Variants in MEF2C observed in about 807,000 individuals in gnomAD.
The protein encoded by MEF2C is myocyte enhancer factor 2C, also known as myocyte-specific enhancer factor 2C.
In MEF2C, 6 loss-of-function variants were observed where a neutral mutation model predicts 50.5. That is an observed-to-expected ratio of 0.12 (90% CI 0.07 to 0.23). MEF2C has a LOEUF of 0.23. Ranked by LOEUF, MEF2C falls within the 10% of genes least tolerant of loss-of-function variation. MEF2C has a pLI of 1.00. For missense variants in MEF2C, 276 were observed against 605.0 expected, an observed-to-expected ratio of 0.46 and a Z score of 5.70; for synonymous variants, 183 against 228.0, an observed-to-expected ratio of 0.80 and a Z score of 1.78.
chr5:88,838,750 C>T (rs1266393722), intron 1 of MEF2C: 1 of 982,024 alleles, frequency 1.0e-6, no homozygotes, highest in Non-Finnish European at 1.2e-6. Context: ...TCGTTATGCT[C>T]TTTCTCTTTC....
intron 4 of MEF2C, 130 bp downstream of exon 4, chr5:88,761,055 C>T (rs1371146084): frequency 5.0e-6 from 8 of 1,613,536 alleles, no homozygotes; most frequent in African/African-American, 2.7e-5. Flanking sequence ...TTCTTCAGTG[C>T]GTGGGGTGAG....
intron 1 of MEF2C, among the ~76,000 whole-genome samples, chr5:88,849,738 A>G (rs998989916): frequency 6.6e-6 from 1 of 152,216 alleles, no homozygotes; most frequent in African/African-American, 2.4e-5. Context: ...AATAATTTGA[A>G]TTGAAACCAT....
intron 3 of MEF2C, chr5:88,781,025 T>A: frequency 1.4e-6 from 1 of 721,250 alleles, no homozygotes; most frequent in Non-Finnish European, 1.7e-6. Context: ...ACTTTTTTTT[T>A]CTTTTAACTC....
chr5:88,783,410 C>T (rs1433851370), intron 3 of MEF2C, among the ~76,000 whole-genome samples: 1 of 152,094 alleles, frequency 6.6e-6, no homozygotes. Context: ...TGGCGGATCA[C>T]CTGAAGTCGA....
In MEF2C at chr5:88,747,477, T is replaced by C; in HGVS notation, c.637+1593A>G. ...CATTCTCCTGCCTCAGCCTCCCAAG[T>C]AGCTGGGACTACAGGCGCCCGCCAC... On this transcript the variant is annotated intron_variant, in intron 6 of 10. Coordinates refer to ENST00000504921, the MANE Select transcript of MEF2C (RefSeq NM_002397.5). 3.0e-5 allele frequency among the ~76,000 whole-genome samples: 2 copies of C among 65,582 alleles called. 1 individual carries two copies. Among genetic ancestry groups the C allele is most frequent in the African/African-American group, 8.0e-5 (2 of 25,008 alleles). 43.0% of individuals were successfully genotyped at this position (65,582 alleles called of 152,430 possible).
chr5:88,805,366 T>C (rs1282384423), intron 2 of MEF2C, among the ~76,000 whole-genome samples: 1 of 152,158 alleles, frequency 6.6e-6, no homozygotes, highest in Non-Finnish European at 1.5e-5. Flanking sequence ...ATGCTTAGGG[T>C]TTTGGTTTCA....
At chr5:88,791,525 G>C (rs1358606470) in intron 3 of MEF2C, among the ~76,000 whole-genome samples, 1 of 152,086 alleles carries the variant, frequency 6.6e-6, no homozygotes, top group Non-Finnish European at 1.5e-5. Flanking sequence ...ACTAGAGGAA[G>C]CTCAGTTTTA....
Position 88,832,928 on chromosome 5 carries a change from A to G in MEF2C, c.-142-8998T>C, listed in dbSNP as rs968043754. Among the ~76,000 whole-genome samples the G allele has an allele frequency of 2.0e-5, 3 of 152,296 alleles. No individual in the cohort carries two copies. In the South Asian group the frequency reaches 6.2e-4, roughly 32 times the overall value. Reference sequence around the variant, plus strand: ...GGATTAGAACATATCTGTTCATCCTAATCATACATTAAAAACTGTTAGAGA... The same window carrying G: ...GGATTAGAACATATCTGTTCATCCTGATCATACATTAAAAACTGTTAGAGA... On this transcript the variant is annotated intron_variant, in intron 1 of 10. Coordinates refer to ENST00000504921, the MANE Select transcript of MEF2C (RefSeq NM_002397.5).
chr5:88,889,893 C>A (rs1834346752), intron 1 of MEF2C, among the ~76,000 whole-genome samples: 1 of 152,158 alleles, frequency 6.6e-6, no homozygotes, highest in Non-Finnish European at 1.5e-5. Flanking sequence ...AATGAACCCA[C>A]CCTTTAACAG....
intron 4 of MEF2C, among the ~76,000 whole-genome samples, chr5:88,760,202 A>G (rs1398186650): frequency 2.0e-5 from 3 of 152,260 alleles, no homozygotes; most frequent in African/African-American, 7.2e-5. Flanking sequence ...GAATCTAATA[A>G]AAAGTATGTA....
chr5:88,887,494 G>A (rs1474588040), upstream of MEF2C: 1 of 152,152 alleles, frequency 6.6e-6, no homozygotes, highest in Non-Finnish European at 1.5e-5. Flanking sequence ...ACAAATGTGA[G>A]CACTCACCAC....
rs536822733 is a variant in MEF2C, at chr5:88,740,895, C to T, written c.637+8175G>A. 92 of 985,366 alleles carry T rather than the reference C, an allele frequency of 9.3e-5. No homozygotes were observed. In the African/African-American group the frequency reaches 1.5e-3, roughly 16 times the overall value. 61.0% of individuals were successfully genotyped at this position (985,366 alleles called of 1,614,324 possible). On this transcript the variant is annotated intron_variant, in intron 6 of 10. Coordinates refer to ENST00000504921, the MANE Select transcript of MEF2C (RefSeq NM_002397.5). ...TGAGGGGGTGTCTTCATTATTGACA[C>T]AATCGCTCATTCTTTCAGTCATTTT...
chr5:88,849,968 G>A lies in MEF2C; in HGVS notation c.-142-26038C>T, dbSNP rs145461923. Among the ~76,000 whole-genome samples the A allele has an allele frequency of 4.2e-3, 637 of 152,082 alleles. 2 individuals are homozygous for A. Among genetic ancestry groups the A allele is most frequent in the Non-Finnish European group, 5.9e-3 (403 of 68,004 alleles). On this transcript the variant is annotated intron_variant, in intron 1 of 10. Coordinates refer to ENST00000504921, the MANE Select transcript of MEF2C (RefSeq NM_002397.5). ...TTGTTTATTATACTTTAAGTTTTAG[G>A]GTACATGTGCACAACTTGCAGGTTA...
At chr5:88,879,944 A>T (rs1434218058) in intron 1 of MEF2C, among the ~76,000 whole-genome samples, 1 of 151,980 alleles carries the variant, frequency 6.6e-6, no homozygotes, top group African/African-American at 2.4e-5. Flanking sequence ...TAACGTGCAT[A>T]GACTCTGTTG....
intron 6 of MEF2C, chr5:88,742,209 G>T (rs1038600989): frequency 3.0e-6 from 3 of 985,192 alleles, no homozygotes; most frequent in Non-Finnish European, 1.2e-6. Flanking sequence ...CTCTACTGAT[G>T]CACAATGTCA....
chr5:88,734,561 G>GTTTGTTTTTTTTTTTT, intron 6 of MEF2C: 2 of 253,864 alleles, frequency 7.9e-6, no homozygotes, highest in Non-Finnish European at 9.5e-6. Flanking sequence ...CTTGAGAAAA[G>GTTTGTTTTTTTTTTTT]TTTGTTTTTT....
At chr5:88,807,716 AAAG>A (rs1410281011) in intron 2 of MEF2C, among the ~76,000 whole-genome samples, 2 of 152,296 alleles carry the variant, frequency 1.3e-5, no homozygotes, top group East Asian at 3.9e-4. Context: ...CTTAACCAAA[AAAG>A]AAGAACTAGC....
intron 1 of MEF2C, among the ~76,000 whole-genome samples, chr5:88,833,214 C>A (rs994536379): frequency 1.3e-5 from 2 of 152,070 alleles, no homozygotes; most frequent in Non-Finnish European, 2.9e-5. Context: ...TTACAAAATG[C>A]TGATGATATA....
At chr5:88,892,779 A>G (rs943368794) in intron 1 of MEF2C, among the ~76,000 whole-genome samples, 1 of 152,126 alleles carries the variant, frequency 6.6e-6, no homozygotes, top group Admixed American at 6.5e-5. Context: ...TTGGAATGCT[A>G]TTGTCAGCCA....
Sources: allele counts gnomAD v4.1 joint callset (sites outside exome capture counted in the v4.1 genomes callset), GRCh38; gene constraint gnomAD v4.1.1; transcripts MANE v1.5; gene names NCBI Gene and HGNC (gene_info 2026-07-23, HGNC 2026-07-21).